Variants in YJU2B observed in about 807,000 individuals in gnomAD.
YJU2B encodes the protein probable splicing factor YJU2B.
In YJU2B, 18 loss-of-function variants were observed where a neutral mutation model predicts 38.0. The ratio of observed to expected loss-of-function variants is 0.47; its 90% CI spans 0.33 to 0.70. The LOEUF (loss-of-function observed/expected upper bound fraction) is 0.70. Among genes scored for constraint, YJU2B ranks in the 30% least tolerant of loss-of-function variants. The pLI is 0.02. For synonymous variants in YJU2B, 246 were observed against 225.4 expected (o/e 1.09, Z -0.82); for missense variants, 538 against 556.3 (o/e 0.97, Z 0.33).
At chr19:13,733,582 G>A (rs1045788246) in intron 2 of YJU2B, among the ~76,000 whole-genome samples, 15 of 152,106 alleles carry the variant, frequency 9.9e-5, no homozygotes, top group African/African-American at 3.4e-4. Context: ...TTAGCTGGGC[G>A]TGGTGGCACA....
chr19:13,759,282 G>A lies in YJU2B; in HGVS notation c.573+10G>A. ...GCGGAGAAGGTTCCGGGTGAGGGGG[G>A]CTCCAGCCCGGGGTCAGAGAGGATG... is the stretch of plus-strand genomic sequence containing the variant. On this transcript the variant is annotated intron_variant, in intron 8 of 9. Transcript: ENST00000221554. 1 of 1,593,822 alleles carries A rather than the reference G, an allele frequency of 6.3e-7. No individual in the cohort carries two copies. The highest frequency in any genetic ancestry group is 1.3e-5 in the African/African-American group (1 of 74,400).
chr19:13,738,761 G>T lies in YJU2B; in HGVS notation c.-202+6476G>T, dbSNP rs531549912. ...AAAAATTAGCCGGGCATGGTGGTGGGTGCCTATAGTCCCAGCTACTCGGGA... is the reference window on the plus strand; with the variant it reads ...AAAAATTAGCCGGGCATGGTGGTGGTTGCCTATAGTCCCAGCTACTCGGGA... On this transcript the variant is annotated intron_variant, in intron 2 of 10. Transcript: ENST00000586600. Among the ~76,000 whole-genome samples the T allele has an allele frequency of 1.4e-4, 21 of 152,154 alleles. No homozygotes were observed. The South Asian group carries it at 4.1e-3, about 30-fold the overall frequency.
intron 2 of YJU2B, chr19:13,732,381 C>T (rs1972838538): frequency 6.6e-6 from 1 of 151,772 alleles, no homozygotes; most frequent in Admixed American, 6.6e-5. Flanking sequence ...AATAAAATGC[C>T]CAAAATGCCC....
At chr19:13,753,737 C>T (rs1404996223) in intron 2 of YJU2B, among the ~76,000 whole-genome samples, 1 of 152,096 alleles carries the variant, frequency 6.6e-6, no homozygotes, top group Non-Finnish European at 1.5e-5. Flanking sequence ...GTGGCAGCAG[C>T]AAGAATGAGC....
chr19:13,754,476 C>T (rs528440088), intron 3 of YJU2B, 134 bp downstream of exon 3: 47 of 731,720 alleles, frequency 6.4e-5, no homozygotes, highest in Middle Eastern at 3.6e-4. Context: ...ACCTGAGTCT[C>T]GAGGCTGTCT....
At chr19:13,756,079 T>A in intron 3 of YJU2B, 118 bp from the exon 4 acceptor site, 1 of 778,144 alleles carries the variant, frequency 1.3e-6, no homozygotes, top group Non-Finnish European at 2.3e-6. Context: ...CTGCAGGACA[T>A]AAGAATCAAG....
chr19:13,745,733 A>ATC (rs1419033366), upstream of YJU2B, among the ~76,000 whole-genome samples: 1,374 of 114,628 alleles, frequency 0.012, 17 homozygotes, highest in African/African-American at 0.027. Context: ...ATATCTATAT[A>ATC]TATATATATA....
intron 4 of YJU2B, 82 bp from the exon 5 acceptor site, chr19:13,757,336 A>G: frequency 8.4e-7 from 1 of 1,187,888 alleles, no homozygotes; most frequent in Non-Finnish European, 1.3e-6. Flanking sequence ...TCAAATCACA[A>G]CCGCGGCCAG....
At chr19:13,755,632 G>A (rs907374253) in intron 3 of YJU2B, among the ~76,000 whole-genome samples, 12 of 151,908 alleles carry the variant, frequency 7.9e-5, no homozygotes, top group Non-Finnish European at 1.6e-4. Context: ...GAGGTCACTC[G>A]CCCAGGGTCC....
At chr19:13,758,753 C>T in intron 6 of YJU2B, 115 bp from the exon 7 acceptor site, 1 of 1,261,678 alleles carries the variant, frequency 7.9e-7, no homozygotes, top group Non-Finnish European at 1.1e-6. Context: ...ACAGTGGGTG[C>T]TCAGTGAATT....
intron 2 of YJU2B, chr19:13,732,634 G>C (rs896199609): frequency 1.7e-5 from 2 of 118,538 alleles, no homozygotes; most frequent in African/African-American, 6.6e-5. Flanking sequence ...TTTTGCGACA[G>C]AGTCTCACTC....
intron 2 of YJU2B, among the ~76,000 whole-genome samples, chr19:13,736,001 G>A (rs1972934772): frequency 6.7e-6 from 1 of 149,774 alleles, no homozygotes; most frequent in South Asian, 2.1e-4. Flanking sequence ...GCAGTGAGCC[G>A]AGATCGCGCC....
Position 13,762,931 on chromosome 19 carries a change from C to G in YJU2B, c.1054C>G (p.Gln352Glu), listed in dbSNP as rs1412784351. ...CCCCAAGTGCAGCAGCCCGAGGGGG[C>G]AGGAAGGGAGCCGTCAGGACAAGCC... is the stretch of plus-strand genomic sequence containing the variant. ...ETPKCSSPRG[Q>E]EGSRQDKPLS... Residue 352 changes from glutamine (Q) to glutamate (E), a missense_variant, in exon 10 of 10, where the codon CAG becomes GAG. Gln to Glu is a conservative substitution (Grantham distance 29). Coordinates refer to ENST00000221554, the MANE Select transcript of YJU2B (RefSeq NM_030818.4). 1 of 1,611,968 alleles carries G rather than the reference C, an allele frequency of 6.2e-7. No individual in the cohort carries two copies. Among genetic ancestry groups the G allele is most frequent in the Non-Finnish European group, 8.5e-7 (1 of 1,179,788 alleles).
chr19:13,735,531 T>TG (rs1164215485), intron 2 of YJU2B, among the ~76,000 whole-genome samples: 1 of 149,408 alleles, frequency 6.7e-6, no homozygotes, highest in African/African-American at 2.5e-5. Context: ...GTGTCTGTGT[T>TG]TTTTTTTTTT....
intron 8 of YJU2B, among the ~76,000 whole-genome samples, chr19:13,760,710 A>G (rs1237849233): frequency 2.0e-5 from 3 of 151,894 alleles, no homozygotes; most frequent in African/African-American, 7.3e-5. Flanking sequence ...CTCCCCACTA[A>G]GCCTCCCAAG....
chr19:13,738,023 G>A (rs571520836), intron 2 of YJU2B, among the ~76,000 whole-genome samples: 1 of 152,282 alleles, frequency 6.6e-6, no homozygotes, highest in South Asian at 2.1e-4. Context: ...CCTTGGTGTT[G>A]AGTATCCCAG....
At chr19:13,756,489 G>A (rs1267777779) in intron 4 of YJU2B, among the ~76,000 whole-genome samples, 3 of 152,204 alleles carry the variant, frequency 2.0e-5, no homozygotes, top group Admixed American at 2.0e-4. Context: ...TCTCTGCTGG[G>A]CTTGGAAGAG....
chr19:13,756,267 T>C lies in YJU2B; in HGVS notation c.128T>C (p.Ile43Thr). Residue 43 changes from isoleucine to threonine, a missense_variant, in exon 4 of 10, where the codon ATC becomes ACC. Physicochemically the swap from Ile to Thr is moderately conservative, Grantham distance 89. Transcript: ENST00000221554. ...CGGGCTCGGAAGCTGTCACAGGGCA[T>C]CCTCATCATCCGGTAAGGCCCAGCA... ...RERARKLSQG[I>T]LIIRFEMPYN... The C allele has an allele frequency of 6.2e-7, 1 of 1,613,886 alleles. No homozygotes were observed. Among genetic ancestry groups the C allele is most frequent in the South Asian group, 1.1e-5 (1 of 91,076 alleles).
chr19:13,754,291 T>G lies in YJU2B; in HGVS notation c.6T>G (p.Gly2=). The G allele has an allele frequency of 1.2e-6, 2 of 1,612,948 alleles. No individual in the cohort carries two copies. The highest frequency in any genetic ancestry group is 8.5e-7 in the Non-Finnish European group (1 of 1,179,058). ...CATGTCTCTGTTCTGCTTTGCAGGGTGAAAGGAAAGGGGTCAACAAGTACT... is the reference window on the plus strand; with the variant it reads ...CATGTCTCTGTTCTGCTTTGCAGGGGGAAAGGAAAGGGGTCAACAAGTACT... M[G]ERKGVNKYYP... The change falls in exon 3 of 10, where the codon GGT becomes GGG. Residue 2 remains glycine (G), a splice_region_variant and synonymous_variant. Coordinates refer to ENST00000221554, the MANE Select transcript of YJU2B (RefSeq NM_030818.4).
Sources: gnomAD v4.1 joint callset for allele counts (sites outside exome capture counted in the v4.1 genomes callset) on GRCh38, gnomAD v4.1.1 for gene constraint, MANE v1.5 for transcripts, NCBI Gene and HGNC (gene_info 2026-07-23, HGNC 2026-07-21) for gene names.